The following MARCHF1 variants were observed in gnomAD, a reference collection of about 807,000 sequenced individuals.
MARCHF1 encodes E3 ubiquitin-protein ligase MARCHF1.
A neutral mutation model predicts 54.2 loss-of-function variants in MARCHF1; 40 were observed. That is an observed-to-expected ratio of 0.74 (90% CI 0.57 to 0.96). The LOEUF is 0.96. Among genes scored for constraint, MARCHF1 ranks in the 40% least tolerant of loss-of-function variants. The probability of loss-of-function intolerance (pLI) is 0.00; values close to 1 mark genes in which losing one functional copy is unlikely to be tolerated. For synonymous variants in MARCHF1, 236 were observed against 236.3 expected, an observed-to-expected ratio of 1.00 and a Z score of 0.01; for missense variants, 586 against 656.5, an observed-to-expected ratio of 0.89 and a Z score of 1.17.
chr4:164,078,237 A>T (rs1038304446), intron 2 of MARCHF1, among the ~76,000 whole-genome samples: 1 of 152,300 alleles, frequency 6.6e-6, no homozygotes, highest in African/African-American at 2.4e-5. Flanking sequence ...CTGCAAGGAC[A>T]TGAAGCTGGA....
intron 5 of MARCHF1, among the ~76,000 whole-genome samples, chr4:163,620,297 T>C (rs1741638386): frequency 6.9e-6 from 1 of 144,256 alleles, no homozygotes. Flanking sequence ...CACGCGTTGC[T>C]ATATATTGTT....
intron 2 of MARCHF1, among the ~76,000 whole-genome samples, chr4:164,010,856 T>C (rs1459622256): frequency 2.0e-5 from 3 of 152,058 alleles, no homozygotes; most frequent in Non-Finnish European, 4.4e-5. Flanking sequence ...AGTATCTGCC[T>C]TCAAAATTTA....
Position 163,545,681 on chromosome 4 carries a change from G to A in MARCHF1, c.1254C>T (p.His418=), listed in dbSNP as rs755588226. The change falls in exon 9 of 10, where the codon CAC becomes CAT. Residue 418 remains histidine, a synonymous_variant. Coordinates refer to ENST00000514618, the MANE Select transcript of MARCHF1 (RefSeq NM_001394959.1). ...AAACCACACAGGTGATCGCGATTAC[G>A]TGGAATGTGACAGAGCAGAATATTT... is the stretch of plus-strand genomic sequence containing the variant. ...RRKIFCSVTF[H]VIAITCVVWS... 89 of 1,613,838 alleles carry A rather than the reference G, an allele frequency of 5.5e-5. 2 individuals are homozygous for A. The South Asian group carries it at 7.5e-4, about 14-fold the overall frequency.
intron 5 of MARCHF1, among the ~76,000 whole-genome samples, chr4:163,619,001 A>T (rs1489241116): frequency 2.6e-5 from 4 of 152,110 alleles, no homozygotes; most frequent in Non-Finnish European, 4.4e-5. Flanking sequence ...AGTCCAGGCA[A>T]GGACAAGGAT....
At chr4:163,637,496 T>C (rs1342742847) in intron 5 of MARCHF1, among the ~76,000 whole-genome samples, 1 of 152,186 alleles carries the variant, frequency 6.6e-6, no homozygotes, top group Admixed American at 6.5e-5. Flanking sequence ...GAAATAATGC[T>C]CATCATCACT....
chr4:164,294,779 C>G (rs1734370578), intron 1 of MARCHF1, among the ~76,000 whole-genome samples: 1 of 152,066 alleles, frequency 6.6e-6, no homozygotes, highest in African/African-American at 2.4e-5. Context: ...CAAAAAATTA[C>G]AAACAAGTAG....
intron 1 of MARCHF1, among the ~76,000 whole-genome samples, chr4:164,341,818 CT>C (rs1280247578): frequency 6.6e-6 from 1 of 152,156 alleles, no homozygotes; most frequent in African/African-American, 2.4e-5. Flanking sequence ...AACATTCAGA[CT>C]ATAGCACCTG....
chr4:163,551,718 T>C (rs531421783), intron 8 of MARCHF1, among the ~76,000 whole-genome samples: 12 of 152,200 alleles, frequency 7.9e-5, no homozygotes, highest in South Asian at 2.1e-4. Context: ...TAGGAGATAA[T>C]TGAATCATCA....
intron 2 of MARCHF1, among the ~76,000 whole-genome samples, chr4:164,011,008 G>T (rs1015531765): frequency 1.3e-5 from 2 of 152,086 alleles, no homozygotes; most frequent in African/African-American, 4.8e-5. Context: ...ATATGCAATG[G>T]TGAAAGCAAA....
intron 7 of MARCHF1, among the ~76,000 whole-genome samples, chr4:163,605,745 C>T (rs1048800589): frequency 1.3e-5 from 2 of 152,076 alleles, no homozygotes; most frequent in African/African-American, 2.4e-5. Context: ...GATGAGTTCA[C>T]GTCCTTAGCA....
intron 1 of MARCHF1, among the ~76,000 whole-genome samples, chr4:164,121,580 C>T (rs948619805): frequency 6.6e-6 from 1 of 152,048 alleles, no homozygotes; most frequent in African/African-American, 2.4e-5. Flanking sequence ...CAATTACCTC[C>T]CACCAGCTCC....
intron 1 of MARCHF1, among the ~76,000 whole-genome samples, chr4:164,173,532 G>A (rs1730582651): frequency 6.6e-6 from 1 of 152,186 alleles, no homozygotes; most frequent in South Asian, 2.1e-4. Flanking sequence ...GTAATCTTCA[G>A]TGTTAGAGGT....
chr4:163,580,460 G>A (rs868737704), intron 8 of MARCHF1, among the ~76,000 whole-genome samples: 1 of 152,132 alleles, frequency 6.6e-6, no homozygotes, highest in Admixed American at 6.6e-5. Flanking sequence ...ATTAAATGTT[G>A]AATAAGGACT....
chr4:164,077,793 C>T (rs1755011057), intron 2 of MARCHF1, among the ~76,000 whole-genome samples: 1 of 152,198 alleles, frequency 6.6e-6, no homozygotes, highest in Non-Finnish European at 1.5e-5. Flanking sequence ...CTCATCATCG[C>T]TGGTCATTAG....
chr4:163,625,451 T>C (rs1217730513), intron 5 of MARCHF1, among the ~76,000 whole-genome samples: 1 of 152,238 alleles, frequency 6.6e-6, no homozygotes, highest in Admixed American at 6.5e-5. Context: ...AGGTAGCTAA[T>C]AAAGAGTTGT....
intron 3 of MARCHF1, among the ~76,000 whole-genome samples, chr4:163,879,591 G>A (rs370145226): frequency 2.0e-5 from 3 of 152,132 alleles, no homozygotes; most frequent in Non-Finnish European, 4.4e-5. Context: ...ATGTGTGCAC[G>A]TGCTTGTGTG....
intron 5 of MARCHF1, among the ~76,000 whole-genome samples, chr4:163,697,064 C>T (rs1235211902): frequency 6.6e-6 from 1 of 152,004 alleles, no homozygotes; most frequent in African/African-American, 2.4e-5. Context: ...CCAGAGGAAA[C>T]CAGGAGCAAG....
intron 4 of MARCHF1, among the ~76,000 whole-genome samples, chr4:163,761,951 A>C (rs1746838433): frequency 6.6e-6 from 1 of 152,186 alleles, no homozygotes; most frequent in Non-Finnish European, 1.5e-5. Context: ...TATATTTCTC[A>C]ATACATTGTC....
intron 2 of MARCHF1, among the ~76,000 whole-genome samples, chr4:164,034,266 G>T (rs1158098498): frequency 6.6e-6 from 1 of 152,130 alleles, no homozygotes; most frequent in Non-Finnish European, 1.5e-5. Flanking sequence ...TCACTCATAA[G>T]TGGAAGTTGA....
Sources: gnomAD v4.1 joint callset for allele counts (sites outside exome capture counted in the v4.1 genomes callset) on GRCh38, gnomAD v4.1.1 for gene constraint, MANE v1.5 for transcripts, NCBI Gene and HGNC (gene_info 2026-07-23, HGNC 2026-07-21) for gene names.